ASTN2: variants seen among roughly 807,000 people sequenced by gnomAD.
ASTN2 encodes astrotactin-2.
ASTN2 carries 54 observed loss-of-function variants against 139.8 expected under a neutral mutation model. That is an observed-to-expected ratio of 0.39 (90% CI 0.31 to 0.48). The LOEUF is 0.48. Among genes scored for constraint, ASTN2 ranks in the 20% least tolerant of loss-of-function variants. The pLI, the probability that ASTN2 is intolerant of heterozygous loss-of-function variation, is 0.95. For missense variants in ASTN2, 1,565 were observed against 1,725.1 expected (o/e 0.91, Z 1.64); for synonymous variants, 756 against 719.5 (o/e 1.05, Z -0.81).
Position 117,414,158 on chromosome 9 carries a change from G to A in ASTN2, c.442+339C>T, listed in dbSNP as rs574883879. Among the ~76,000 whole-genome samples the A allele has an allele frequency of 7.2e-5, 11 of 152,088 alleles. No homozygotes were observed. The highest frequency in any genetic ancestry group is 1.5e-4 in the Non-Finnish European group (10 of 68,024). ...GACCTGAAACTGGCTTAGGATCTGGGATGCTCCGGCCCCTAGCCAGAGCAC... is the reference window on the plus strand; with the variant it reads ...GACCTGAAACTGGCTTAGGATCTGGAATGCTCCGGCCCCTAGCCAGAGCAC... On this transcript the variant is annotated intron_variant, in intron 1 of 22. Transcript: ENST00000313400. This position sits in a 1 kb window ranked among gnomAD's most constrained non-coding sequence, Gnocchi z 4.2.
At chr9:117,265,680 G>A (rs187231631) in intron 2 of ASTN2, among the ~76,000 whole-genome samples, 141 of 152,196 alleles carry the variant, frequency 9.3e-4, no homozygotes, top group Non-Finnish European at 5.3e-4. Flanking sequence ...ACAGCTACTA[G>A]CTGTGCTGAT....
chr9:116,509,151 C>T (rs564388650), intron 19 of ASTN2, among the ~76,000 whole-genome samples: 1 of 152,284 alleles, frequency 6.6e-6, no homozygotes, highest in East Asian at 1.9e-4. Flanking sequence ...AATGCTATCA[C>T]TCCCCCTTCC....
At chr9:117,312,774 G>T (rs1828017341) in intron 1 of ASTN2, among the ~76,000 whole-genome samples, 1 of 152,030 alleles carries the variant, frequency 6.6e-6, no homozygotes, top group Non-Finnish European at 1.5e-5. Flanking sequence ...CCCTCCCTGG[G>T]CCTCAGCCCC....
chr9:116,660,985 C>G (rs1411965639), intron 16 of ASTN2, among the ~76,000 whole-genome samples: 1 of 152,148 alleles, frequency 6.6e-6, no homozygotes, highest in Admixed American at 6.5e-5. Context: ...AATGAGAGAA[C>G]TGAGGCACAG....
intron 16 of ASTN2, among the ~76,000 whole-genome samples, chr9:116,652,910 G>A (rs1229952617): frequency 1.3e-5 from 2 of 152,130 alleles, no homozygotes; most frequent in African/African-American, 4.8e-5. Context: ...ACTCTGTGCT[G>A]CTTTTCCCCT....
intron 19 of ASTN2, among the ~76,000 whole-genome samples, chr9:116,574,422 CTG>C (rs1853642400): frequency 6.6e-6 from 1 of 152,200 alleles, no homozygotes; most frequent in Non-Finnish European, 1.5e-5. Flanking sequence ...CTGCTCATAA[CTG>C]TTCCCTTTCT....
chr9:116,807,947 TAA>T (rs61576800), intron 12 of ASTN2, among the ~76,000 whole-genome samples: 4 of 137,806 alleles, frequency 2.9e-5, no homozygotes, highest in Non-Finnish European at 4.7e-5. Context: ...CTGTCTCTAC[TAA>T]AAAAAAAAAA....
chr9:116,976,524 T>C (rs1037242656), intron 8 of ASTN2, among the ~76,000 whole-genome samples, 177 bp downstream of exon 8: 2 of 152,208 alleles, frequency 1.3e-5, no homozygotes, highest in Non-Finnish European at 2.9e-5. Context: ...GTACCTTTAA[T>C]ACTAAAATGT....
chr9:117,385,320 G>A (rs892898562), intron 1 of ASTN2, among the ~76,000 whole-genome samples: 1 of 151,948 alleles, frequency 6.6e-6, no homozygotes, highest in Admixed American at 6.6e-5. Flanking sequence ...TTCACCTACT[G>A]GGAACCATAA....
chr9:117,218,266 C>G (rs779056341), intron 2 of ASTN2, among the ~76,000 whole-genome samples: 43 of 152,204 alleles, frequency 2.8e-4, no homozygotes, highest in Admixed American at 1.4e-3. Flanking sequence ...TTGACCTTGC[C>G]ATTTGATATG....
At chr9:117,256,346 C>T (rs1833686355) in intron 2 of ASTN2, among the ~76,000 whole-genome samples, 1 of 152,150 alleles carries the variant, frequency 6.6e-6, no homozygotes, top group Admixed American at 6.5e-5. Flanking sequence ...CTCAGAAATG[C>T]CACTCTGAGG....
chr9:117,035,904 G>A (rs1460990128), intron 6 of ASTN2, among the ~76,000 whole-genome samples: 4 of 152,144 alleles, frequency 2.6e-5, no homozygotes, highest in Non-Finnish European at 5.9e-5. Flanking sequence ...ACTGAGAGTA[G>A]CTAAATTCAC....
At chr9:116,442,335 C>A (rs981385280) in intron 21 of ASTN2, 118 bp downstream of exon 21, 2 of 798,776 alleles carry the variant, frequency 2.5e-6, no homozygotes. Context: ...TCAATTTCTT[C>A]TCCCTGTGCC....
At chr9:117,032,323 T>C (rs1838270062) in intron 6 of ASTN2, among the ~76,000 whole-genome samples, 1 of 152,148 alleles carries the variant, frequency 6.6e-6, no homozygotes, top group Admixed American at 6.6e-5. Context: ...ACAGTCTATT[T>C]GTCTAAACAG....
At chr9:116,709,219 T>C (rs1274123190) in intron 16 of ASTN2, among the ~76,000 whole-genome samples, 3 of 152,156 alleles carry the variant, frequency 2.0e-5, no homozygotes, top group Non-Finnish European at 4.4e-5. Context: ...ATTTCACCTA[T>C]AGGAAAAAGT....
chr9:116,782,311 C>A (rs1830240816), intron 13 of ASTN2, among the ~76,000 whole-genome samples: 1 of 152,102 alleles, frequency 6.6e-6, no homozygotes, highest in Non-Finnish European at 1.5e-5. Flanking sequence ...ATGACAGTCC[C>A]CAAGTACCAG....
At chr9:117,214,289 A>G in intron 3 of ASTN2, 69 bp downstream of exon 3, 1 of 1,502,802 alleles carries the variant, frequency 6.7e-7, no homozygotes, top group South Asian at 1.4e-5. Context: ...CCAACTGCCC[A>G]GCTTCTGCAC....
intron 13 of ASTN2, among the ~76,000 whole-genome samples, chr9:116,802,912 A>G (rs1377959156): frequency 6.6e-6 from 1 of 152,208 alleles, no homozygotes; most frequent in Non-Finnish European, 1.5e-5. Flanking sequence ...CCCAAGAGGC[A>G]CTATTCTTTG....
At chr9:117,041,048 G>C (rs939014494) in intron 5 of ASTN2, among the ~76,000 whole-genome samples, 6 of 152,176 alleles carry the variant, frequency 3.9e-5, no homozygotes, top group African/African-American at 1.4e-4. Flanking sequence ...AGAGGGCAGA[G>C]AGTACGGGGG....
Sources: allele counts gnomAD v4.1 joint callset (sites outside exome capture counted in the v4.1 genomes callset), GRCh38; gene constraint gnomAD v4.1.1; non-coding constraint Gnocchi (gnomAD v3.1); transcripts MANE v1.5; gene names NCBI Gene and HGNC (gene_info 2026-07-23, HGNC 2026-07-21).